The following STK3 variants were observed in gnomAD, a reference collection of about 807,000 sequenced individuals.
STK3 encodes serine/threonine kinase 3, also known as serine/threonine-protein kinase 3.
A neutral mutation model predicts 58.0 loss-of-function variants in STK3; 41 were observed. That is an observed-to-expected ratio of 0.71 (90% confidence interval 0.55 to 0.92). The LOEUF is 0.92. Ranked by LOEUF, STK3 falls within the 40% of genes least tolerant of loss-of-function variation. The probability of loss-of-function intolerance (pLI) is 0.00; values close to 1 mark genes in which losing one functional copy is unlikely to be tolerated. For synonymous variants in STK3, 170 were observed against 191.0 expected, an observed-to-expected ratio of 0.89 and a Z score of 0.91; for missense variants, 479 against 602.7, an observed-to-expected ratio of 0.79 and a Z score of 2.15.
intron 4 of STK3, among the ~76,000 whole-genome samples, chr8:98,720,402 TCCATC>T (rs1263962259): frequency 6.6e-6 from 1 of 152,082 alleles, no homozygotes; most frequent in African/African-American, 2.4e-5. Context: ...CAATATTACT[TCCATC>T]CCACCACTGC....
chr8:98,760,729 G>T (rs200558025), intron 3 of STK3, among the ~76,000 whole-genome samples: 1 of 72,022 alleles, frequency 1.4e-5, no homozygotes, highest in Non-Finnish European at 3.3e-5. Flanking sequence ...TTGAGGGGGT[G>T]GGGGGCTTCT....
intron 6 of STK3, among the ~76,000 whole-genome samples, chr8:98,689,749 C>T (rs1195282979): frequency 6.6e-6 from 1 of 152,040 alleles, no homozygotes; most frequent in African/African-American, 2.4e-5. Context: ...CACCACTGCA[C>T]CCCAGCCTGG....
chr8:98,356,945 G>A, the STK3 span, among the ~76,000 whole-genome samples: 864 of 152,280 alleles, frequency 5.7e-3, 1 homozygote, highest in Middle Eastern at 0.01. Context: ...ACTTCTCTGC[G>A]ATATAGAATT....
At chr8:98,783,009 G>C (rs1263199018) in intron 1 of STK3, among the ~76,000 whole-genome samples, 4 of 151,944 alleles carry the variant, frequency 2.6e-5, no homozygotes, top group Non-Finnish European at 4.4e-5. Context: ...CACACAAAGA[G>C]AGAAAGAAGG....
intron 3 of STK3, among the ~76,000 whole-genome samples, chr8:98,433,358 C>A (rs565110182): frequency 1.3e-5 from 2 of 152,240 alleles, no homozygotes; most frequent in Admixed American, 1.3e-4. Context: ...AATTGGGGAA[C>A]CCTGAGTGTC....
At chr8:98,645,518 A>G (rs973140202) in intron 6 of STK3, among the ~76,000 whole-genome samples, 3 of 152,326 alleles carry the variant, frequency 2.0e-5, no homozygotes, top group Non-Finnish European at 4.4e-5. Flanking sequence ...TAAACACTGT[A>G]TTATATATTA....
chr8:98,584,685 CAATGGTTG>C (rs1259712778), intron 7 of STK3, among the ~76,000 whole-genome samples: 19 of 150,558 alleles, frequency 1.3e-4, no homozygotes, highest in African/African-American at 4.6e-4. Flanking sequence ...CTGACTTCCA[CAATGGTTG>C]AACTAGTTCA....
intron 4 of STK3, among the ~76,000 whole-genome samples, chr8:98,720,544 A>G (rs1369148201): frequency 6.6e-6 from 1 of 152,066 alleles, no homozygotes; most frequent in African/African-American, 2.4e-5. Context: ...AGGTCAGGAG[A>G]TCGAGACCAT....
At chr8:98,736,168 C>A (rs1224093355) in intron 4 of STK3, among the ~76,000 whole-genome samples, 5 of 152,004 alleles carry the variant, frequency 3.3e-5, no homozygotes, top group African/African-American at 9.7e-5. Context: ...AGTGAATATG[C>A]AATAAACACC....
intron 10 of STK3, among the ~76,000 whole-genome samples, chr8:98,499,042 G>A (rs1198698058): frequency 1.3e-5 from 2 of 152,184 alleles, no homozygotes; most frequent in African/African-American, 4.8e-5. Context: ...AATCATAAAT[G>A]TTCTTTTAAG....
chr8:98,567,947 A>G (rs2131667338), intron 8 of STK3, among the ~76,000 whole-genome samples: 1 of 151,916 alleles, frequency 6.6e-6, no homozygotes, highest in South Asian at 2.1e-4. Context: ...AATCCCAGCT[A>G]CTCGGGAGAC....
chr8:98,663,509 T>C (rs949982938), intron 6 of STK3, among the ~76,000 whole-genome samples: 1 of 152,180 alleles, frequency 6.6e-6, no homozygotes, highest in Admixed American at 6.5e-5. Context: ...GACCCAGCCA[T>C]CCCATTGCTG....
At chr8:98,452,595 GTATT>G (rs1175075944), downstream of STK3, among the ~76,000 whole-genome samples, 1 of 151,990 alleles carries the variant, frequency 6.6e-6, no homozygotes, top group Non-Finnish European at 1.5e-5. Flanking sequence ...TCACGATACT[GTATT>G]TATTAAAGGA....
downstream of STK3, among the ~76,000 whole-genome samples, chr8:98,370,778 T>C (rs766531298): frequency 1.3e-5 from 2 of 152,142 alleles, no homozygotes; most frequent in Admixed American, 6.5e-5. Flanking sequence ...AGTTTTGAAA[T>C]TGTAAATGGT....
chr8:98,718,984 T>C (rs763861589), intron 4 of STK3, among the ~76,000 whole-genome samples: 1 of 152,192 alleles, frequency 6.6e-6, no homozygotes, highest in Non-Finnish European at 1.5e-5. Context: ...GGCGTACAGA[T>C]AGCACTTGAT....
chr8:98,415,088 C>CT (rs1023199932), intron 3 of STK3, among the ~76,000 whole-genome samples: 29 of 152,274 alleles, frequency 1.9e-4, no homozygotes, highest in African/African-American at 7.0e-4. Context: ...CATAAAAGGG[C>CT]TTGATAGAGT....
chr8:98,475,676 T>C (rs1256384126), intron 10 of STK3, among the ~76,000 whole-genome samples: 2 of 152,212 alleles, frequency 1.3e-5, no homozygotes, highest in African/African-American at 4.8e-5. Flanking sequence ...CATCATCTGA[T>C]ATCTACGCTA....
At chr8:98,434,429 A>T (rs1248666320) in intron 2 of STK3, 1 of 152,256 alleles carries the variant, frequency 6.6e-6, no homozygotes. Flanking sequence ...TAAATGTTGC[A>T]TGTACACGGT....
At chr8:98,608,857 A>T (rs1816962246) in intron 6 of STK3, among the ~76,000 whole-genome samples, 1 of 152,244 alleles carries the variant, frequency 6.6e-6, no homozygotes, top group African/African-American at 2.4e-5. Context: ...ATTCCCATGT[A>T]AAACTGACTT....
Sources: allele counts gnomAD v4.1 joint callset (sites outside exome capture counted in the v4.1 genomes callset), GRCh38; gene constraint gnomAD v4.1.1; transcripts MANE v1.5; gene names NCBI Gene and HGNC (gene_info 2026-07-23, HGNC 2026-07-21).